Variants in PKHD1 observed in about 807,000 individuals in gnomAD.
The protein encoded by PKHD1 is PKHD1 ciliary IPT domain containing fibrocystin/polyductin, also known as fibrocystin.
In PKHD1, 291 loss-of-function variants were observed where a neutral mutation model predicts 412.0. The ratio of observed to expected loss-of-function variants is 0.71; its 90% CI spans 0.64 to 0.78. The LOEUF (loss-of-function observed/expected upper bound fraction) is 0.78, where lower values mean the gene tolerates loss of function less well. Ranked by LOEUF, PKHD1 falls within the 30% of genes least tolerant of loss-of-function variation. The pLI is 0.00. For missense variants in PKHD1, 4,825 were observed against 4,950.7 expected (o/e 0.97, Z 0.76); for synonymous variants, 1,777 against 1,821.5 (o/e 0.98, Z 0.62).
chr6:52,011,758 T>A (rs913281195), intron 34 of PKHD1, among the ~76,000 whole-genome samples: 2 of 152,258 alleles, frequency 1.3e-5, no homozygotes, highest in Non-Finnish European at 2.9e-5. Flanking sequence ...TGCTAAAATA[T>A]TCTCCACTCT....
At chr6:51,842,877 C>T (rs986617492) in intron 50 of PKHD1, among the ~76,000 whole-genome samples, 11 of 152,168 alleles carry the variant, frequency 7.2e-5, no homozygotes, top group Non-Finnish European at 1.5e-4. Flanking sequence ...GGGAAACCCA[C>T]GTCTGTGAGA....
intron 43 of PKHD1, among the ~76,000 whole-genome samples, chr6:51,896,849 G>A (rs1284964651): frequency 3.3e-5 from 5 of 151,984 alleles, no homozygotes; most frequent in Admixed American, 6.6e-5. Context: ...ACCAAGGCTC[G>A]AGAACTACGT....
intron 41 of PKHD1, among the ~76,000 whole-genome samples, chr6:51,905,645 G>A (rs1781962014): frequency 6.6e-6 from 1 of 152,172 alleles, no homozygotes; most frequent in Admixed American, 6.5e-5. Context: ...TTTAAGTCTG[G>A]TGAAAAGTTT....
chr6:51,810,333 C>A (rs1181056849), intron 52 of PKHD1, among the ~76,000 whole-genome samples: 11 of 152,008 alleles, frequency 7.2e-5, no homozygotes, highest in African/African-American at 2.7e-4. Flanking sequence ...ATGCCACATT[C>A]AAGAGGAAGA....
chr6:51,852,008 T>G (rs1446650311), intron 49 of PKHD1, among the ~76,000 whole-genome samples: 1 of 152,216 alleles, frequency 6.6e-6, no homozygotes, highest in African/African-American at 2.4e-5. Flanking sequence ...GGGTATCGAT[T>G]TGAGATCTTT....
chr6:51,704,588 TAAG>T (rs775152765), intron 60 of PKHD1, among the ~76,000 whole-genome samples: 2 of 152,076 alleles, frequency 1.3e-5, no homozygotes, highest in African/African-American at 2.4e-5. Flanking sequence ...TAGCAGCTAT[TAAG>T]AAGAAGAACT....
chr6:51,925,679 C>T (rs1419656875), intron 37 of PKHD1, among the ~76,000 whole-genome samples: 1 of 152,134 alleles, frequency 6.6e-6, no homozygotes, highest in Non-Finnish European at 1.5e-5. Context: ...CTTGGATATC[C>T]AGCTTGCTGG....
At chr6:51,696,237 A>C (rs1307566203) in intron 60 of PKHD1, among the ~76,000 whole-genome samples, 1 of 152,222 alleles carries the variant, frequency 6.6e-6, no homozygotes, top group Non-Finnish European at 1.5e-5. Flanking sequence ...GCTACTCTGC[A>C]GCCAGTTCTG....
chr6:52,020,467 A>G (rs1801234742), intron 33 of PKHD1, among the ~76,000 whole-genome samples: 2 of 152,222 alleles, frequency 1.3e-5, no homozygotes, highest in African/African-American at 4.8e-5. Context: ...GATTTCAGAG[A>G]GGGCTGAAAA....
Position 51,868,071 on chromosome 6 carries a change from T to C in PKHD1, c.7525A>G (p.Asn2509Asp). 2 of 1,611,744 alleles carry C rather than the reference T, an allele frequency of 1.2e-6. No individual in the cohort carries two copies. The highest frequency in any genetic ancestry group is 1.7e-6 in the Non-Finnish European group (2 of 1,177,936). Residue 2509 changes from asparagine (N) to aspartate (D), a missense_variant, in exon 48 of 67, where the codon AAC (asparagine) becomes GAC (aspartate). Asn to Asp is a conservative substitution (Grantham distance 23). Transcript: ENST00000371117. ...GGAAATGCCACTAAGTTTGAAGAGT[T>C]TGTAAACTTCAACTGGCTGGTCTTC... ...TVKTSQLKFT[N>D]SSNLVAFPFP...
intron 60 of PKHD1, among the ~76,000 whole-genome samples, chr6:51,729,073 G>A (rs111334684): frequency 3.9e-5 from 6 of 152,328 alleles, no homozygotes; most frequent in Non-Finnish European, 7.3e-5. Context: ...CAGTGCCCAA[G>A]AAAGGTTGCA....
Position 51,659,265 on chromosome 6 carries a change from T to C in PKHD1, c.10861A>G (p.Asn3621Asp), listed in dbSNP as rs201221391. Residue 3621 changes from asparagine (N) to aspartate (D), a missense_variant, in exon 61 of 67, where the codon AAT (asparagine) becomes GAT (aspartate). Transcript: ENST00000371117. Reference sequence around the variant, plus strand: ...CTAGTGCAAGTCACAGTAGGGCAATTGCGCTTTCTTTTTGCTCTACTGTCA... The same window carrying C: ...CTAGTGCAAGTCACAGTAGGGCAATCGCGCTTTCTTTTTGCTCTACTGTCA... The part of the protein sequence containing the change: ...IADSRAKRKR[N>D]CPTVTCTSHY... 1 of 1,613,716 alleles carries C rather than the reference T, an allele frequency of 6.2e-7. No homozygotes were observed. The highest frequency in any genetic ancestry group is 8.5e-7 in the Non-Finnish European group (1 of 1,179,872).
intron 19 of PKHD1, 97 bp downstream of exon 19, chr6:52,055,490 A>G: frequency 7.3e-7 from 1 of 1,376,424 alleles, no homozygotes; most frequent in Admixed American, 1.7e-5. Flanking sequence ...AGATCACAGC[A>G]ATCACTCCTT....
chr6:51,901,524 G>A (rs977383212), intron 43 of PKHD1, among the ~76,000 whole-genome samples: 1 of 151,980 alleles, frequency 6.6e-6, no homozygotes, highest in Admixed American at 6.6e-5. Context: ...CTGTTGTGGG[G>A]TGGGGGGAGT....
chr6:51,852,648 ACCATTATGTAATACCCTTCTTTGT>A (rs1772497906), intron 49 of PKHD1, among the ~76,000 whole-genome samples: 1 of 151,688 alleles, frequency 6.6e-6, no homozygotes. Flanking sequence ...TGTTCCCTTT[ACCATTATGTAATACCCTTCTTTGT>A]CTTTTTTGAT....
intron 60 of PKHD1, among the ~76,000 whole-genome samples, chr6:51,665,322 C>T (rs1474735072): frequency 2.6e-5 from 4 of 152,038 alleles, no homozygotes; most frequent in Admixed American, 6.6e-5. Flanking sequence ...GCCCCAAACT[C>T]TTTATAGAGA....
chr6:51,868,188 T>A (rs1247593704), intron 47 of PKHD1, 79 bp from the exon 48 acceptor site: 10 of 1,223,840 alleles, frequency 8.2e-6, no homozygotes, highest in Non-Finnish European at 1.2e-5. Flanking sequence ...GGTCTTAGGA[T>A]TTAAATTGCA....
At chr6:51,814,755 T>A (rs1194071615) in intron 52 of PKHD1, among the ~76,000 whole-genome samples, 1 of 152,030 alleles carries the variant, frequency 6.6e-6, no homozygotes, top group African/African-American at 2.4e-5. Flanking sequence ...GTGGAGGAGC[T>A]TGAATGAAAG....
At position 51,615,762 on chromosome 6, in the gene PKHD1, G is replaced by T. The variant is rs1442701445; in HGVS notation, c.*3319C>A. 2 of 152,170 alleles carry T rather than the reference G, an allele frequency of 1.3e-5. No individual in the cohort carries two copies. Among genetic ancestry groups the T allele is most frequent in the African/African-American group, 4.8e-5 (2 of 41,440 alleles). 9.4% of individuals were successfully genotyped at this position (152,170 alleles called of 1,614,324 possible). On this transcript the variant is annotated 3_prime_UTR_variant, in exon 67 of 67. Transcript: ENST00000371117. ...TGGAAGGGAGTCATTCAACTAAATT[G>T]TTGAAAGGGGAAGGCCCTGAGAGAG...
Sources: allele counts gnomAD v4.1 joint callset (sites outside exome capture counted in the v4.1 genomes callset), GRCh38; gene constraint gnomAD v4.1.1; transcripts MANE v1.5; gene names NCBI Gene and HGNC (gene_info 2026-07-23, HGNC 2026-07-21).